Variants in MLC1 observed in about 807,000 individuals in gnomAD.
The protein encoded by MLC1 is modulator of VRAC current 1.
In MLC1, 32 loss-of-function variants were observed where a neutral mutation model predicts 44.7. The ratio of observed to expected loss-of-function variants is 0.72; its 90% confidence interval spans 0.54 to 0.96. The LOEUF is 0.96. Among genes scored for constraint, MLC1 ranks in the 40% least tolerant of loss-of-function variants. MLC1 has a pLI of 0.00. For synonymous variants in MLC1, 190 were observed against 213.0 expected (o/e 0.89, Z 0.94); for missense variants, 459 against 492.2 (o/e 0.93, Z 0.64).
intron 9 of MLC1, among the ~76,000 whole-genome samples, chr22:50,068,876 G>A (rs543417479): frequency 1.3e-4 from 20 of 151,882 alleles, no homozygotes; most frequent in East Asian, 9.7e-4. Context: ...ACAGGCGCCC[G>A]CCACCACACC....
rs76283012 is a variant in MLC1 at position 50,084,768 on chromosome 22, G to A, written c.135C>T (p.Pro45=). ...AGACCCACGTCTTGTGGCTGAAGCA[G>A]GGGGGCAGTCTCTTCGACAGCTGCA... ...SDLQLSKRLP[P]CFSHKTWVFS... Residue 45 remains proline, a synonymous_variant, in exon 2 of 12, where the codon CCC becomes CCT. Coordinates refer to ENST00000311597, the MANE Select transcript of MLC1 (RefSeq NM_015166.4). The A allele has an allele frequency of 1.9e-6, 3 of 1,614,112 alleles. No individual in the cohort carries two copies. The highest frequency in any genetic ancestry group is 2.2e-5 in the East Asian group (1 of 44,880).
At chr22:50,062,208 T>TCCACCCTGAGCCCCAGCCGC (rs1569240710) in intron 11 of MLC1, among the ~76,000 whole-genome samples, 91 of 91,016 alleles carry the variant, frequency 1.0e-3, no homozygotes, top group Non-Finnish European at 1.3e-3. Flanking sequence ...GCCCCAGCCG[T>TCCACCCTGAGCCCCAGCCGC]CCACCCTGAG....
chr22:50,064,976 G>A (rs573564162), intron 10 of MLC1, among the ~76,000 whole-genome samples: 89 of 152,260 alleles, frequency 5.8e-4, no homozygotes, highest in African/African-American at 1.6e-3. Flanking sequence ...CCAGGCTGGC[G>A]TGCAGTGGCG....
At chr22:50,081,227 C>T (rs934164134) in intron 3 of MLC1, among the ~76,000 whole-genome samples, 2 of 152,150 alleles carry the variant, frequency 1.3e-5, no homozygotes, top group Middle Eastern at 3.4e-3. Context: ...CCTGTAGTCC[C>T]AGCTACTCAG....
intron 11 of MLC1, among the ~76,000 whole-genome samples, chr22:50,063,056 G>A (rs3817809): frequency 0.12 from 18,517 of 152,224 alleles, 1,265 homozygotes; most frequent in South Asian, 0.23. Context: ...GGAAACTTCA[G>A]GACCTGTGGG....
In MLC1 at chr22:50,083,811, G is replaced by A. The variant is rs953438980; in HGVS notation, c.178-638C>T. Among the ~76,000 whole-genome samples, 4 of 152,208 alleles carry A rather than the reference G, an allele frequency of 2.6e-5. No individual in the cohort carries two copies. Among genetic ancestry groups the A allele is most frequent in the Admixed American group, 6.5e-5 (1 of 15,288 alleles). On this transcript the variant is annotated intron_variant, in intron 2 of 11. Coordinates refer to ENST00000311597, the MANE Select transcript of MLC1 (RefSeq NM_015166.4). The surrounding 1 kb of genome is among the most constrained non-coding windows in gnomAD (Gnocchi z 4.6). ...GTCACTGGGACCCAGGGTCCTGGCA[G>A]AGGAAGCGAGGTCTGGGGCAGAGGG...
chr22:50,077,289 G>T, intron 6 of MLC1, 112 bp downstream of exon 6: 1 of 952,532 alleles, frequency 1.0e-6, no homozygotes, highest in Non-Finnish European at 1.6e-6. Flanking sequence ...TCATGGGAAT[G>T]CCCTGGAGCA....
intron 10 of MLC1, 129 bp from the exon 11 acceptor site, chr22:50,064,327 A>C: frequency 9.4e-7 from 1 of 1,068,204 alleles, no homozygotes; most frequent in Non-Finnish European, 1.4e-6. Context: ...CCAGTAACCC[A>C]AACGCATTGC....
At chr22:50,081,591 TC>T (rs1307892292) in intron 3 of MLC1, among the ~76,000 whole-genome samples, 1 of 152,206 alleles carries the variant, frequency 6.6e-6, no homozygotes, top group Non-Finnish European at 1.5e-5. Flanking sequence ...AGGGCCTTGC[TC>T]CTGCAGCCAT....
intron 11 of MLC1, among the ~76,000 whole-genome samples, 197 bp from the exon 12 acceptor site, chr22:50,061,854 C>T (rs926109748): frequency 3.3e-5 from 5 of 152,196 alleles, no homozygotes; most frequent in African/African-American, 1.2e-4. Flanking sequence ...CCCAGAAACG[C>T]CTGCATCCCC....
chr22:50,068,911 G>C (rs2061784055), intron 9 of MLC1, among the ~76,000 whole-genome samples: 1 of 151,624 alleles, frequency 6.6e-6, no homozygotes, highest in African/African-American at 2.4e-5. Flanking sequence ...ATTTTTAGTA[G>C]AGACCGTGTT....
intron 8 of MLC1, among the ~76,000 whole-genome samples, chr22:50,073,887 T>C (rs1685471647): frequency 6.6e-6 from 1 of 152,168 alleles, no homozygotes; most frequent in African/African-American, 2.4e-5. Flanking sequence ...TAGTGTAATA[T>C]AAATGCATTA....
rs281875317 is a variant in MLC1, at chr22:50,074,296, C to T, written c.634G>A (p.Gly212Arg). Reference sequence around the variant, plus strand: ...TCCACGTTCAGGGCAATGATCCCCCCGAGGACGGCAGAGATGCCTGCGATT... The same window carrying T: ...TCCACGTTCAGGGCAATGATCCCCCTGAGGACGGCAGAGATGCCTGCGATT... Reference protein sequence around the residue: ...EVIAGISAVLGGIIALNVDDS... With the variant: ...EVIAGISAVLRGIIALNVDDS... The change falls in exon 8 of 12, where the codon GGG (glycine) becomes AGG (arginine). Residue 212 changes from glycine to arginine, a missense_variant. Physicochemically the swap from Gly to Arg is moderately radical, Grantham distance 125. Coordinates refer to ENST00000311597, the MANE Select transcript of MLC1 (RefSeq NM_015166.4). 2 of 1,614,134 alleles carry T rather than the reference C, an allele frequency of 1.2e-6. No individual in the cohort carries two copies. The highest frequency in any genetic ancestry group is 8.5e-7 in the Non-Finnish European group (1 of 1,180,046).
At chr22:50,081,059 G>GAAAGAAAGAAAGAAAAA (rs1484447304) in intron 3 of MLC1, among the ~76,000 whole-genome samples, 1 of 19,176 alleles carries the variant, frequency 5.2e-5, no homozygotes, top group African/African-American at 1.4e-4. Flanking sequence ...GAAAGAAAGA[G>GAAAGAAAGAAAGAAAAA]GAGGTCTGGT....
In MLC1 at chr22:50,084,706, C is replaced by T; in HGVS notation, c.177+20G>A. On this transcript the variant is annotated intron_variant, in intron 2 of 11. Transcript: ENST00000311597. The stretch of plus-strand genomic sequence containing the variant: ...CCAGATGCTCGTGGCCCTCCAAGGG[C>T]TTAGTGTGGAGCTACTCACCCCCAT... 1 of 1,613,088 alleles carries T rather than the reference C, an allele frequency of 6.2e-7. No individual in the cohort carries two copies. The highest frequency in any genetic ancestry group is 8.5e-7 in the Non-Finnish European group (1 of 1,179,432).
rs1193301569 is a variant in MLC1, at chr22:50,061,546, A to T, written c.*37T>A. Reference sequence around the variant, plus strand: ...GTTGTGCGTTTCCATGCTTGGGGCCAGGCTGGGCGCTGCCACCCGGTTTCC... The same window carrying T: ...GTTGTGCGTTTCCATGCTTGGGGCCTGGCTGGGCGCTGCCACCCGGTTTCC... On this transcript the variant is annotated 3_prime_UTR_variant, in exon 12 of 12. Transcript: ENST00000311597. The T allele has an allele frequency of 6.3e-7, 1 of 1,596,898 alleles. No homozygotes were observed. Among genetic ancestry groups the T allele is most frequent in the Non-Finnish European group, 8.6e-7 (1 of 1,165,930 alleles).
At chr22:50,068,374 C>A in intron 10 of MLC1, 59 bp downstream of exon 10, 5 of 1,601,772 alleles carry the variant, frequency 3.1e-6, no homozygotes, top group South Asian at 1.1e-5. Flanking sequence ...CCAGCAAGGG[C>A]CAGGCCAACA....
chr22:50,071,169 C>T (rs1453135341), intron 8 of MLC1, among the ~76,000 whole-genome samples: 2 of 151,082 alleles, frequency 1.3e-5, no homozygotes, highest in Non-Finnish European at 2.9e-5. Context: ...AGTACGGTGG[C>T]GCGATCTTGA....
chr22:50,072,535 G>A (rs1468871062), intron 8 of MLC1, among the ~76,000 whole-genome samples: 6 of 152,300 alleles, frequency 3.9e-5, no homozygotes, highest in Admixed American at 2.6e-4. Flanking sequence ...GGTGCTCTCC[G>A]GGAAGATGGA....
Sources: allele counts gnomAD v4.1 joint callset (sites outside exome capture counted in the v4.1 genomes callset), GRCh38; gene constraint gnomAD v4.1.1; non-coding constraint Gnocchi (gnomAD v3.1); transcripts MANE v1.5; gene names NCBI Gene and HGNC (gene_info 2026-07-23, HGNC 2026-07-21).